TUSC3: variants seen among roughly 807,000 people sequenced by gnomAD.
TUSC3 encodes the protein tumor suppressor candidate 3, also known as dolichyl-diphosphooligosaccharide--protein glycosyltransferase subunit TUSC3.
A neutral mutation model predicts 44.8 loss-of-function variants in TUSC3; 45 were observed. The observed-to-expected ratio is 1.00, with a 90% CI of 0.79 to 1.29. The LOEUF (loss-of-function observed/expected upper bound fraction) is 1.29, where lower values mean the gene tolerates loss of function less well. TUSC3 is among the 50% of genes most tolerant of loss of function. The probability of loss-of-function intolerance (pLI) is 0.00; values close to 1 mark genes in which losing one functional copy is unlikely to be tolerated. For missense variants in TUSC3, 519 were observed against 437.9 expected, an observed-to-expected ratio of 1.19 and a Z score of -1.65; for synonymous variants, 212 against 152.9, an observed-to-expected ratio of 1.39 and a Z score of -2.85.
chr8:15,533,725 G>A (rs2129130963), intron 2 of TUSC3, among the ~76,000 whole-genome samples: 1 of 152,294 alleles, frequency 6.6e-6, no homozygotes, highest in East Asian at 1.9e-4. Context: ...TCTCTTACAG[G>A]CTAAGAGTAT....
intron 6 of TUSC3, among the ~76,000 whole-genome samples, chr8:15,683,617 C>G (rs138861370): frequency 1.3e-5 from 2 of 152,062 alleles, no homozygotes; most frequent in African/African-American, 4.8e-5. Context: ...CGTCCAGGTT[C>G]TGAATTTATA....
At chr8:15,703,751 A>G (rs1421260) in intron 6 of TUSC3, among the ~76,000 whole-genome samples, 130,264 of 152,006 alleles carry the variant, frequency 0.86, 56,025 homozygotes, top group Non-Finnish European at 0.88. Context: ...GAACTCATTC[A>G]TTACTGGGAG....
chr8:15,508,694 C>A (rs890123382), intron 2 of TUSC3, among the ~76,000 whole-genome samples: 1 of 152,060 alleles, frequency 6.6e-6, no homozygotes, highest in African/African-American at 2.4e-5. Context: ...GTCTCCTGAC[C>A]TTGTGATTCA....
chr8:15,667,481 T>C (rs1348123315), intron 5 of TUSC3, among the ~76,000 whole-genome samples: 2 of 151,696 alleles, frequency 1.3e-5, no homozygotes, highest in Non-Finnish European at 3.0e-5. Flanking sequence ...TATTAAGTAA[T>C]GTCATTAAAT....
At chr8:15,669,219 G>A (rs926756668) in intron 5 of TUSC3, among the ~76,000 whole-genome samples, 2 of 151,772 alleles carry the variant, frequency 1.3e-5, no homozygotes, top group African/African-American at 4.8e-5. Flanking sequence ...AGAAGAATGA[G>A]AAAGTCTTCA....
intron 1 of TUSC3, among the ~76,000 whole-genome samples, chr8:15,586,536 C>G (rs180714718): frequency 6.6e-6 from 1 of 152,100 alleles, no homozygotes; most frequent in African/African-American, 2.4e-5. Context: ...TAAAGAGGGT[C>G]GCATTACCTC....
At chr8:15,453,584 T>G (rs1246212105) in intron 1 of TUSC3, among the ~76,000 whole-genome samples, 5 of 152,352 alleles carry the variant, frequency 3.3e-5, no homozygotes, top group Middle Eastern at 3.4e-3. Flanking sequence ...GATGACTGCC[T>G]CATTTTCAAC....
intron 6 of TUSC3, among the ~76,000 whole-genome samples, chr8:15,679,554 T>G (rs1447621591): frequency 3.3e-5 from 5 of 152,222 alleles, no homozygotes; most frequent in Admixed American, 1.3e-4. Context: ...GTCAATTTAC[T>G]CAATTGATAG....
intron 7 of TUSC3, among the ~76,000 whole-genome samples, chr8:15,740,205 C>A (rs186899884): frequency 6.6e-6 from 1 of 151,972 alleles, no homozygotes. Flanking sequence ...GGGAAAAGTA[C>A]CTCAGGCAGT....
chr8:15,609,467 T>G (rs1228117164), intron 1 of TUSC3, among the ~76,000 whole-genome samples: 1 of 152,150 alleles, frequency 6.6e-6, no homozygotes, highest in East Asian at 1.9e-4. Flanking sequence ...ATTTCTTATA[T>G]CTGGTACTTG....
At chr8:15,441,767 A>G (rs888747913) in intron 1 of TUSC3, among the ~76,000 whole-genome samples, 2 of 151,854 alleles carry the variant, frequency 1.3e-5, no homozygotes, top group Admixed American at 1.3e-4. Context: ...GAAAGCTGAC[A>G]TGAGGTGTCC....
At chr8:15,655,356 A>T (rs528075195) in intron 3 of TUSC3, among the ~76,000 whole-genome samples, 1 of 152,312 alleles carries the variant, frequency 6.6e-6, no homozygotes, top group East Asian at 1.9e-4. Flanking sequence ...AGTAAGGGAA[A>T]AATGCCTCAA....
intron 1 of TUSC3, among the ~76,000 whole-genome samples, chr8:15,470,730 G>A (rs1036991578): frequency 1.3e-5 from 2 of 152,166 alleles, no homozygotes; most frequent in Non-Finnish European, 2.9e-5. Context: ...TCTCAGTGGA[G>A]TTGGCATTTT....
the TUSC3 span, among the ~76,000 whole-genome samples, chr8:15,781,598 AAAAG>A: frequency 6.6e-6 from 1 of 151,764 alleles, no homozygotes; most frequent in African/African-American, 2.4e-5. Context: ...CAGAAAGAAA[AAAAG>A]AAAATGGAAT....
At chr8:15,585,602 C>G (rs887968319) in intron 1 of TUSC3, among the ~76,000 whole-genome samples, 3 of 152,144 alleles carry the variant, frequency 2.0e-5, no homozygotes, top group Non-Finnish European at 4.4e-5. Flanking sequence ...CCCTGTCTTC[C>G]TAATGTGCCT....
At chr8:15,458,151 G>C (rs957705810) in intron 1 of TUSC3, among the ~76,000 whole-genome samples, 1 of 152,090 alleles carries the variant, frequency 6.6e-6, no homozygotes, top group African/African-American at 2.4e-5. Context: ...AGGAAGGAAG[G>C]TGACGAGATG....
At chr8:15,573,962 C>A (rs1404773219) in intron 1 of TUSC3, among the ~76,000 whole-genome samples, 1 of 152,122 alleles carries the variant, frequency 6.6e-6, no homozygotes, top group East Asian at 1.9e-4. Context: ...AAGAAGCTGA[C>A]TAAACCAGTC....
intron 2 of TUSC3, among the ~76,000 whole-genome samples, chr8:15,504,615 ATATATATTTTTTTTTT>A (rs1425405562): frequency 1.6e-4 from 3 of 19,020 alleles, no homozygotes; most frequent in African/African-American, 9.8e-4. Flanking sequence ...ATATATATAT[ATATATATTTTTTTTTT>A]TTTTTTTTTT....
chr8:15,430,758 G>A (rs1322542371), intron 1 of TUSC3, among the ~76,000 whole-genome samples: 1 of 151,708 alleles, frequency 6.6e-6, no homozygotes. Context: ...ATCTCCTTAA[G>A]CTGATAAGCA....
Sources: gnomAD v4.1 joint callset for allele counts (sites outside exome capture counted in the v4.1 genomes callset) on GRCh38, gnomAD v4.1.1 for gene constraint, MANE v1.5 for transcripts, NCBI Gene and HGNC (gene_info 2026-07-23, HGNC 2026-07-21) for gene names.